Variants in SASH1 observed in about 807,000 individuals in gnomAD.
SASH1 encodes SAM and SH3 domain-containing protein 1.
A neutral mutation model predicts 125.2 loss-of-function variants in SASH1; 44 were observed. The observed-to-expected ratio is 0.35, with a 90% CI of 0.28 to 0.45. SASH1 has a LOEUF of 0.45. Ranked by LOEUF, SASH1 falls within the 20% of genes least tolerant of loss-of-function variation. The probability of loss-of-function intolerance (pLI) is 1.00; values close to 1 mark genes in which losing one functional copy is unlikely to be tolerated. For missense variants in SASH1, 1,426 were observed against 1,614.5 expected (o/e 0.88, Z 2.00); for synonymous variants, 639 against 649.1 (o/e 0.98, Z 0.24).
chr6:148,206,133 T>C, the SASH1 span, among the ~76,000 whole-genome samples: 12 of 152,240 alleles, frequency 7.9e-5, no homozygotes, highest in South Asian at 2.3e-3. Context: ...ACTTAATCTA[T>C]TAAAGAGAAA....
the SASH1 span, among the ~76,000 whole-genome samples, chr6:148,232,379 G>C: frequency 2.0e-5 from 3 of 152,104 alleles, no homozygotes; most frequent in African/African-American, 7.2e-5. Context: ...ACTTGGGCTC[G>C]GGCCTACTGG....
In SASH1 at chr6:148,460,144, G is replaced by C. The variant is rs548262312; in HGVS notation, c.387-8401G>C. 2.6e-5 allele frequency among the ~76,000 whole-genome samples: 4 copies of C among 152,322 alleles called. No homozygotes were observed. In the East Asian group the frequency reaches 7.7e-4, roughly 29 times the overall value. On this transcript the variant is annotated intron_variant, in intron 4 of 19. Transcript: ENST00000367467. ...CTCCATATGTCTAATGCAATTAGCA[G>C]GGGATTGAAGGATAACAAAGGTGAT...
chr6:148,296,187 G>A (rs557133997), intron 1 of SASH1, among the ~76,000 whole-genome samples: 7 of 152,128 alleles, frequency 4.6e-5, no homozygotes, highest in South Asian at 4.2e-4. Context: ...GTGCAGTGGC[G>A]CTATCTCGGC....
chr6:148,378,650 T>A (rs1467546774), intron 1 of SASH1, among the ~76,000 whole-genome samples: 1 of 152,194 alleles, frequency 6.6e-6, no homozygotes, highest in Non-Finnish European at 1.5e-5. Flanking sequence ...CCGTGCCTGG[T>A]TGATAATTCT....
In SASH1 at chr6:148,343,102, A is replaced by C. The variant is rs755352506; in HGVS notation, c.35A>C (p.Glu12Ala). 1 of 1,567,588 alleles carries C rather than the reference A, an allele frequency of 6.4e-7. No homozygotes were observed. Among genetic ancestry groups the C allele is most frequent in the Non-Finnish European group, 8.6e-7 (1 of 1,164,326 alleles). Reference protein sequence around the residue: ...EDAGAAGPGPEPEPEPEPEPE... With the variant: ...EDAGAAGPGPAPEPEPEPEPE... Reference sequence around the variant, plus strand: ...GCGGGAGCAGCTGGCCCGGGGCCGGAGCCTGAGCCCGAGCCCGAGCCGGAG... The same window carrying C: ...GCGGGAGCAGCTGGCCCGGGGCCGGCGCCTGAGCCCGAGCCCGAGCCGGAG... The change falls in exon 1 of 20, where the codon GAG becomes GCG. Residue 12 changes from glutamate to alanine, a missense_variant. By Grantham distance (107) the Glu-to-Ala change is moderately radical. This residue lies in a region of SASH1 where 567 missense variants were observed against 575.6 expected (regional missense o/e 0.99). Coordinates refer to ENST00000367467, the MANE Select transcript of SASH1 (RefSeq NM_015278.5).
intron 1 of SASH1, among the ~76,000 whole-genome samples, chr6:148,282,624 C>T (rs1489033882): frequency 1.3e-5 from 2 of 152,084 alleles, no homozygotes; most frequent in Admixed American, 6.6e-5. Flanking sequence ...TTGTGATCCC[C>T]CCGCCTCAGC....
At chr6:148,520,095 C>T (rs747525988) in intron 10 of SASH1, 21 of 563,656 alleles carry the variant, frequency 3.7e-5, no homozygotes, top group Non-Finnish European at 5.7e-5. Context: ...GCAGCTGCTC[C>T]GGCAGAAAGG....
intron 2 of SASH1, among the ~76,000 whole-genome samples, chr6:148,437,233 G>T (rs1054574692): frequency 3.9e-5 from 6 of 152,004 alleles, no homozygotes; most frequent in East Asian, 1.9e-4. Context: ...TCATTTATAG[G>T]TCCTTAACTT....
chr6:148,549,787 T>C lies in SASH1; in HGVS notation c.*1229T>C. 2 of 387,102 alleles carry C rather than the reference T, an allele frequency of 5.2e-6. No individual in the cohort carries two copies. Among genetic ancestry groups the C allele is most frequent in the Non-Finnish European group, 9.1e-6 (2 of 219,182 alleles). The allele number at this position is 387,102 out of a possible 1,614,324, so 24.0% of individuals were successfully genotyped here. A position where few individuals can be genotyped will look rare whatever the true frequency, so the allele number is the denominator to read the frequency against. On this transcript the variant is annotated 3_prime_UTR_variant, in exon 20 of 20. Coordinates refer to ENST00000367467, the MANE Select transcript of SASH1 (RefSeq NM_015278.5). Reference sequence around the variant, plus strand: ...TAAGTATTTGCTACTTTAAATTGTTTTACAACTGATTTCAGCACATTCTAT... The same window carrying C: ...TAAGTATTTGCTACTTTAAATTGTTCTACAACTGATTTCAGCACATTCTAT...
chr6:148,406,207 G>T (rs1368716670), intron 2 of SASH1, among the ~76,000 whole-genome samples: 2 of 152,062 alleles, frequency 1.3e-5, no homozygotes, highest in African/African-American at 4.8e-5. Flanking sequence ...TCAGCAATCT[G>T]CTTGTTTTTG....
intron 7 of SASH1, chr6:148,480,118 G>A (rs1460580889): frequency 1.3e-5 from 2 of 152,184 alleles, no homozygotes; most frequent in Non-Finnish European, 2.9e-5. Flanking sequence ...ACCTGATGAG[G>A]TTAGAAGTTC....
At chr6:148,534,615 A>AATG in intron 15 of SASH1, 136 bp from the exon 16 acceptor site, 1 of 859,874 alleles carries the variant, frequency 1.2e-6, no homozygotes. Context: ...ATCCATTGCA[A>AATG]ATGATACTTA....
At chr6:148,468,493 T>C in intron 4 of SASH1, 52 bp from the exon 5 acceptor site, 1 of 1,377,168 alleles carries the variant, frequency 7.3e-7, no homozygotes, top group Non-Finnish European at 1.0e-6. Context: ...GATTTTCAGT[T>C]CTCCCATGAA....
intron 1 of SASH1, among the ~76,000 whole-genome samples, chr6:148,328,618 C>A (rs1373614827): frequency 6.6e-6 from 1 of 151,846 alleles, no homozygotes; most frequent in Non-Finnish European, 1.5e-5. Flanking sequence ...AGTGGCAAGA[C>A]CTGTGATTAC....
intron 1 of SASH1, among the ~76,000 whole-genome samples, chr6:148,337,223 A>ATTT (rs10659889): frequency 0.21 from 25,674 of 124,324 alleles, 2,963 homozygotes; most frequent in South Asian, 0.33. Flanking sequence ...CATCCAGCTA[A>ATTT]TTTTTTTTTT....
upstream of SASH1, among the ~76,000 whole-genome samples, chr6:148,338,363 G>T (rs147032310): frequency 6.7e-6 from 1 of 149,756 alleles, no homozygotes; most frequent in Non-Finnish European, 1.5e-5. Context: ...GGAGACAGAG[G>T]TTACAGTGAG....
intron 8 of SASH1, chr6:148,513,523 T>G (rs958073842): frequency 1.0e-6 from 1 of 985,396 alleles, no homozygotes; most frequent in African/African-American, 1.7e-5. Flanking sequence ...AGGATTGTTT[T>G]TAGCCTGGGT....
chr6:148,515,435 G>A (rs1035202774), intron 9 of SASH1, among the ~76,000 whole-genome samples: 7 of 152,182 alleles, frequency 4.6e-5, no homozygotes, highest in African/African-American at 9.6e-5. Flanking sequence ...AGGGTTTTTC[G>A]TTTTTATTGC....
intron 8 of SASH1, 40 bp downstream of exon 8, chr6:148,487,755 C>T (rs772575810): frequency 4.4e-6 from 6 of 1,353,062 alleles, no homozygotes; most frequent in Admixed American, 1.7e-5. Flanking sequence ...TCACCTACGC[C>T]GATAAGGGAC....
Sources: gnomAD v4.1 joint callset for allele counts (sites outside exome capture counted in the v4.1 genomes callset) on GRCh38, gnomAD v4.1.1 for gene constraint, gnomAD v4.1.1 regional missense constraint, MANE v1.5 for transcripts, NCBI Gene and HGNC (gene_info 2026-07-23, HGNC 2026-07-21) for gene names.